USH2A: variants seen among roughly 807,000 people sequenced by gnomAD.
The protein encoded by USH2A is usherin.
Under a neutral mutation model 538.9 loss-of-function variants are expected in USH2A, and 443 were observed. The observed-to-expected ratio is 0.82, with a 90% CI of 0.76 to 0.89. The LOEUF is 0.89. Among genes scored for constraint, USH2A ranks in the 40% least tolerant of loss-of-function variants. The pLI, the probability that USH2A is intolerant of heterozygous loss-of-function variation, is 0.00. For synonymous variants in USH2A, 2,413 were observed against 2,273.5 expected (o/e 1.06, Z -1.75); for missense variants, 6,633 against 6,324.8 (o/e 1.05, Z -1.65).
chr1:216,235,045 C>T (rs191303778), intron 13 of USH2A, among the ~76,000 whole-genome samples: 1 of 152,230 alleles, frequency 6.6e-6, no homozygotes, highest in Non-Finnish European at 1.5e-5. Context: ...TTAAGCAGTT[C>T]TAATTAGGAT....
chr1:215,926,570 C>G (rs928126529), intron 38 of USH2A, among the ~76,000 whole-genome samples: 1 of 142,246 alleles, frequency 7.0e-6, no homozygotes, highest in Non-Finnish European at 1.5e-5. Flanking sequence ...ACTTTGGAAG[C>G]GTGTCTTTTT....
At chr1:215,907,538 C>T in intron 38 of USH2A, among the ~76,000 whole-genome samples, 1 of 152,018 alleles carries the variant, frequency 6.6e-6, no homozygotes, top group East Asian at 1.9e-4. Context: ...TGTGTTTGGG[C>T]CACAGCCCAA....
At chr1:215,878,505 G>A (rs1017696021) in intron 42 of USH2A, among the ~76,000 whole-genome samples, 1 of 152,166 alleles carries the variant, frequency 6.6e-6, no homozygotes, top group Non-Finnish European at 1.5e-5. Context: ...TGAAAATGAA[G>A]TGATGGATTA....
intron 32 of USH2A, among the ~76,000 whole-genome samples, chr1:216,029,428 T>C (rs186842951): frequency 4.6e-5 from 7 of 152,212 alleles, no homozygotes; most frequent in Admixed American, 1.3e-4. Flanking sequence ...CCATAACTTG[T>C]TTAACTAGTA....
At chr1:215,709,537 T>C (rs1027296325) in intron 61 of USH2A, among the ~76,000 whole-genome samples, 6 of 151,498 alleles carry the variant, frequency 4.0e-5, no homozygotes, top group African/African-American at 1.5e-4. Context: ...AATGATCTGA[T>C]GAATAAAGTT....
chr1:216,179,868 C>G (rs2034459470), intron 20 of USH2A, among the ~76,000 whole-genome samples: 1 of 152,032 alleles, frequency 6.6e-6, no homozygotes, highest in South Asian at 2.1e-4. Context: ...ATTTACAAAA[C>G]AGTTCGTTAA....
intron 25 of USH2A, 58 bp from the exon 26 acceptor site, chr1:216,083,644 T>C (rs1380630004): frequency 6.4e-7 from 1 of 1,566,740 alleles, no homozygotes; most frequent in Non-Finnish European, 8.7e-7. Context: ...GCCAGCATTG[T>C]AAGGGTGCTA....
At chr1:215,761,889 G>T (rs146479645) in intron 56 of USH2A, among the ~76,000 whole-genome samples, 1 of 152,132 alleles carries the variant, frequency 6.6e-6, no homozygotes, top group East Asian at 1.9e-4. Flanking sequence ...TCAATATTAG[G>T]TTCCCTGTAA....
At chr1:215,955,963 G>A (rs1331432426) in intron 37 of USH2A, among the ~76,000 whole-genome samples, 1 of 152,164 alleles carries the variant, frequency 6.6e-6, no homozygotes, top group African/African-American at 2.4e-5. Flanking sequence ...AGGAATCAGA[G>A]AAGGGAATTC....
intron 21 of USH2A, among the ~76,000 whole-genome samples, chr1:216,120,994 T>A (rs1205356528): frequency 1.3e-5 from 2 of 152,200 alleles, no homozygotes; most frequent in Non-Finnish European, 1.5e-5. Flanking sequence ...ATTTGATAGT[T>A]TTGTTTAAAA....
chr1:215,795,778 T>C (rs1662109224), intron 50 of USH2A, among the ~76,000 whole-genome samples: 1 of 152,168 alleles, frequency 6.6e-6, no homozygotes, highest in African/African-American at 2.4e-5. Flanking sequence ...GCCATAATTT[T>C]CTAGTAGACG....
intron 4 of USH2A, among the ~76,000 whole-genome samples, chr1:216,363,963 T>G (rs2038544679): frequency 6.6e-6 from 1 of 151,556 alleles, no homozygotes; most frequent in Admixed American, 6.6e-5. Context: ...TATATCTATC[T>G]CTGAAGATAG....
intron 35 of USH2A, 116 bp from the exon 36 acceptor site, chr1:215,970,892 C>A: frequency 5.0e-6 from 4 of 793,466 alleles, no homozygotes; most frequent in Non-Finnish European, 7.7e-6. Flanking sequence ...AAATCACAGA[C>A]TCTGGTATTT....
At chr1:216,191,581 ATTCT>A (rs2034717606) in intron 19 of USH2A, among the ~76,000 whole-genome samples, 1 of 152,012 alleles carries the variant, frequency 6.6e-6, no homozygotes, top group Non-Finnish European at 1.5e-5. Flanking sequence ...ATACCAAGTA[ATTCT>A]TTATTTTTCT....
intron 57 of USH2A, 60 bp from the exon 58 acceptor site, chr1:215,758,812 A>C: frequency 6.4e-7 from 1 of 1,565,676 alleles, no homozygotes. Context: ...TTGAACAATG[A>C]TTACTAGTTT....
At chr1:216,261,346 G>A (rs186620937) in intron 11 of USH2A, among the ~76,000 whole-genome samples, 1 of 151,780 alleles carries the variant, frequency 6.6e-6, no homozygotes, top group African/African-American at 2.4e-5. Context: ...CAGGCATAGT[G>A]GCATGTGCTT....
intron 11 of USH2A, among the ~76,000 whole-genome samples, chr1:216,282,737 G>A (rs1163221803): frequency 6.6e-6 from 1 of 152,012 alleles, no homozygotes; most frequent in Non-Finnish European, 1.5e-5. Context: ...GGATCATATG[G>A]TCAATGTCTG....
rs151090974 is a variant in USH2A, at chr1:216,247,287, A to G, written c.2168-61T>C. The G allele has an allele frequency of 1.0e-3, 1,650 of 1,594,724 alleles. 21 individuals are homozygous for G. The African/African-American group carries it at 0.02, about 19-fold the overall frequency. ...AAAATGATTTCATTCAAGATAGACG[A>G]GACACAAACAATGCTACTGCAGATG... On this transcript the variant is annotated intron_variant, in intron 12 of 71. Transcript: ENST00000307340.
chr1:216,196,541 A>T lies in USH2A; in HGVS notation c.4251+12T>A. On this transcript the variant is annotated intron_variant, in intron 19 of 71. Transcript: ENST00000307340. ...CCAATTCTGAAAGGACATTAGTTAA[A>T]AATAACAATACCTGTGAAAACGCCA... 1 of 1,613,148 alleles carries T rather than the reference A, an allele frequency of 6.2e-7. No homozygotes were observed. The highest frequency in any genetic ancestry group is 8.5e-7 in the Non-Finnish European group (1 of 1,179,376).
Sources: gnomAD v4.1 joint callset for allele counts (sites outside exome capture counted in the v4.1 genomes callset) on GRCh38, gnomAD v4.1.1 for gene constraint, MANE v1.5 for transcripts, NCBI Gene and HGNC (gene_info 2026-07-23, HGNC 2026-07-21) for gene names.